The following MAD1L1 variants were observed in gnomAD, a reference collection of about 807,000 sequenced individuals.
The protein encoded by MAD1L1 is mitotic spindle assembly checkpoint protein MAD1.
Under a neutral mutation model 96.9 loss-of-function variants are expected in MAD1L1, and 95 were observed. That is an observed-to-expected ratio of 0.98 (90% CI 0.83 to 1.16). The LOEUF is 1.16. Ranked by LOEUF, MAD1L1 falls within the 50% of genes most tolerant of loss-of-function variation. MAD1L1 has a pLI of 0.00. For missense variants in MAD1L1, 1,007 were observed against 954.4 expected, an observed-to-expected ratio of 1.06 and a Z score of -0.73; for synonymous variants, 473 against 396.6, an observed-to-expected ratio of 1.19 and a Z score of -2.29.
At chr7:2,184,518 A>G (rs1012199882) in intron 10 of MAD1L1, among the ~76,000 whole-genome samples, 2 of 152,208 alleles carry the variant, frequency 1.3e-5, no homozygotes, top group Non-Finnish European at 2.9e-5. Flanking sequence ...GAAGTTATAC[A>G]CGTACTCATT....
At chr7:2,032,017 A>C (rs1389960227) in intron 12 of MAD1L1, among the ~76,000 whole-genome samples, 1 of 152,234 alleles carries the variant, frequency 6.6e-6, no homozygotes, top group Non-Finnish European at 1.5e-5. Context: ...ACAGTGCTGC[A>C]AAGTCTAGGT....
At chr7:1,874,439 C>T in intron 18 of MAD1L1, 1 of 439,828 alleles carries the variant, frequency 2.3e-6, no homozygotes, top group Non-Finnish European at 4.5e-6. Context: ...GTAGCACCCG[C>T]CGTGGCCAGG....
At chr7:2,225,688 C>T (rs1793856906) in intron 3 of MAD1L1, 138 bp from the exon 4 acceptor site, 10 of 927,356 alleles carry the variant, frequency 1.1e-5, no homozygotes, top group Non-Finnish European at 1.6e-5. Context: ...GGCCCAGCCA[C>T]TGGGCTCCAG....
intron 18 of MAD1L1, among the ~76,000 whole-genome samples, chr7:1,831,047 T>C (rs1224244656): frequency 6.6e-6 from 1 of 152,300 alleles, no homozygotes; most frequent in Non-Finnish European, 1.5e-5. Flanking sequence ...GTGAAGCAGA[T>C]ACAGCGTGCT....
intron 18 of MAD1L1, among the ~76,000 whole-genome samples, chr7:1,878,865 G>C (rs1785526806): frequency 2.0e-5 from 3 of 151,888 alleles, no homozygotes; most frequent in African/African-American, 7.3e-5. Context: ...CGATACAATT[G>C]TCTATGTTGA....
chr7:1,940,148 G>A (rs1778880329), intron 16 of MAD1L1: 1 of 152,292 alleles, frequency 6.6e-6, no homozygotes, highest in African/African-American at 2.4e-5. Flanking sequence ...AGGGAAGCGG[G>A]GTTTGCAGAC....
At chr7:2,220,833 T>C (rs1259741203) in intron 5 of MAD1L1, 30 of 1,536,072 alleles carry the variant, frequency 2.0e-5, no homozygotes, top group Non-Finnish European at 2.6e-5. Context: ...AAAAACATAC[T>C]AACAATAAAC....
At chr7:2,001,628 C>A (rs1781797372) in intron 14 of MAD1L1, among the ~76,000 whole-genome samples, 1 of 152,256 alleles carries the variant, frequency 6.6e-6, no homozygotes, top group South Asian at 2.1e-4. Context: ...CTGGTCAGGA[C>A]CCATGCTGAG....
chr7:1,891,660 G>A (rs115817215), intron 18 of MAD1L1, among the ~76,000 whole-genome samples: 2,795 of 152,292 alleles, frequency 0.018, 74 homozygotes, highest in African/African-American at 0.063. Flanking sequence ...TTTCACCGCA[G>A]CCTCTAACTC....
At chr7:2,051,832 G>C (rs1026955421) in intron 12 of MAD1L1, among the ~76,000 whole-genome samples, 4 of 151,080 alleles carry the variant, frequency 2.6e-5, no homozygotes, top group Admixed American at 6.6e-5. Context: ...CAGCTGCCTG[G>C]GGCCCCTGAG....
At chr7:2,093,497 C>G (rs536414315) in intron 11 of MAD1L1, among the ~76,000 whole-genome samples, 1 of 152,304 alleles carries the variant, frequency 6.6e-6, no homozygotes, top group South Asian at 2.1e-4. Flanking sequence ...GACGGGAAAC[C>G]TTTCTTCTCA....
intron 5 of MAD1L1, among the ~76,000 whole-genome samples, chr7:2,220,324 C>G (rs377077769): frequency 2.6e-5 from 4 of 152,300 alleles, no homozygotes; most frequent in African/African-American, 9.6e-5. Context: ...GGAACCCGCA[C>G]GCGACAGAAC....
chr7:1,949,999 G>A (rs897723538), intron 16 of MAD1L1, among the ~76,000 whole-genome samples: 4 of 152,242 alleles, frequency 2.6e-5, no homozygotes, highest in African/African-American at 9.6e-5. Flanking sequence ...CAGCAGCAGG[G>A]ACAGGCTGGG....
At chr7:1,891,367 T>C (rs1244487708) in intron 18 of MAD1L1, among the ~76,000 whole-genome samples, 2 of 151,826 alleles carry the variant, frequency 1.3e-5, no homozygotes, top group East Asian at 3.9e-4. Flanking sequence ...CTACTAAAAG[T>C]ACAAAAAAAT....
intron 12 of MAD1L1, among the ~76,000 whole-genome samples, chr7:2,060,266 C>T (rs996309329): frequency 8.2e-5 from 12 of 146,938 alleles, no homozygotes; most frequent in Non-Finnish European, 1.7e-4. Flanking sequence ...TGCCGAGATA[C>T]GCCGATGCCG....
chr7:2,125,648 C>G (rs1788197954), intron 11 of MAD1L1, among the ~76,000 whole-genome samples: 1 of 152,210 alleles, frequency 6.6e-6, no homozygotes, highest in Admixed American at 6.5e-5. Flanking sequence ...CGACTCCAAA[C>G]AGGGCAGTGA....
At chr7:1,949,508 G>A (rs1583889398) in intron 16 of MAD1L1, among the ~76,000 whole-genome samples, 1 of 152,344 alleles carries the variant, frequency 6.6e-6, no homozygotes, top group Admixed American at 6.5e-5. Flanking sequence ...TCCAAACCCA[G>A]TTCCTCATGA....
intron 18 of MAD1L1, among the ~76,000 whole-genome samples, chr7:1,890,795 G>A (rs1276167910): frequency 6.6e-6 from 1 of 152,246 alleles, no homozygotes; most frequent in African/African-American, 2.4e-5. Flanking sequence ...TTGGGGAGCT[G>A]AGGCCAGAAG....
At chr7:2,069,380 G>A (rs780911122) in intron 11 of MAD1L1, 42 bp from the exon 12 acceptor site, 3 of 1,503,650 alleles carry the variant, frequency 2.0e-6, no homozygotes, top group African/African-American at 2.8e-5. Flanking sequence ...GAAGCCTGGG[G>A]TGACCACCCC....
Sources: allele counts gnomAD v4.1 joint callset (sites outside exome capture counted in the v4.1 genomes callset), GRCh38; gene constraint gnomAD v4.1.1; transcripts MANE v1.5; gene names NCBI Gene and HGNC (gene_info 2026-07-23, HGNC 2026-07-21).